ZNF804B: variants seen among roughly 807,000 people sequenced by gnomAD.
The protein encoded by ZNF804B is zinc finger protein 804B.
ZNF804B carries 80 observed loss-of-function variants against 101.4 expected under a neutral mutation model. That is an observed-to-expected ratio of 0.79 (90% CI 0.66 to 0.95). The LOEUF (loss-of-function observed/expected upper bound fraction) is 0.95, where lower values mean the gene tolerates loss of function less well. ZNF804B is among the 40% of genes least tolerant of loss of function. The pLI, the probability that ZNF804B is intolerant of heterozygous loss-of-function variation, is 0.00. For synonymous variants in ZNF804B, 622 were observed against 558.8 expected (o/e 1.11, Z -1.59); for missense variants, 1,673 against 1,561.9 (o/e 1.07, Z -1.20).
intron 1 of ZNF804B, among the ~76,000 whole-genome samples, chr7:88,860,444 C>T (rs1414232607): frequency 6.6e-6 from 1 of 151,944 alleles, no homozygotes; most frequent in Admixed American, 6.6e-5. Flanking sequence ...TTTATGTATG[C>T]CCTGGTGGGT....
chr7:88,762,928 A>G (rs772230020), intron 1 of ZNF804B, among the ~76,000 whole-genome samples: 11 of 152,104 alleles, frequency 7.2e-5, no homozygotes, highest in Non-Finnish European at 1.5e-4. Flanking sequence ...GTTTTATTAG[A>G]ACTGTTTGCA....
At chr7:89,198,260 G>A (rs763367479) in intron 1 of ZNF804B, among the ~76,000 whole-genome samples, 6 of 151,710 alleles carry the variant, frequency 4.0e-5, no homozygotes, top group Non-Finnish European at 7.4e-5. Flanking sequence ...TATTAAACAG[G>A]CAAAATAATT....
chr7:88,912,727 G>A (rs1478807885), intron 1 of ZNF804B, among the ~76,000 whole-genome samples: 1 of 151,936 alleles, frequency 6.6e-6, no homozygotes, highest in Non-Finnish European at 1.5e-5. Context: ...TTCTCAATAC[G>A]TTTGTAAGTA....
At position 89,336,011 on chromosome 7, in the gene ZNF804B, AC is replaced by A. The variant is rs760414269; in HGVS notation, c.3030del (p.His1010GlnfsTer8). On this transcript the variant is annotated frameshift_variant, in exon 4 of 4. Transcript: ENST00000333190. LOFTEE classifies it high-confidence loss of function. ...GAGAAAGACAAAAGCAAAAGTTCAC[AC>A]ACAAATAATTTTACAATTTTAGCAG... is the stretch of plus-strand genomic sequence containing the variant. ...TTEKDKSKSS[H>X]TNNFTILADT... The A allele has an allele frequency of 6.2e-7, 1 of 1,614,024 alleles. No homozygotes were observed. Among genetic ancestry groups the A allele is most frequent in the African/African-American group, 1.3e-5 (1 of 75,042 alleles).
At chr7:89,140,360 G>A (rs1329021155) in intron 1 of ZNF804B, among the ~76,000 whole-genome samples, 1 of 151,972 alleles carries the variant, frequency 6.6e-6, no homozygotes, top group East Asian at 1.9e-4. Context: ...TAACAAGAGA[G>A]GCGGCCTGTC....
chr7:89,312,485 C>A (rs895503752), intron 2 of ZNF804B, among the ~76,000 whole-genome samples: 1 of 152,182 alleles, frequency 6.6e-6, no homozygotes, highest in Non-Finnish European at 1.5e-5. Flanking sequence ...AGAGTAATTT[C>A]TTCTCACTCA....
intron 1 of ZNF804B, among the ~76,000 whole-genome samples, chr7:89,107,847 G>T (rs1233298788): frequency 6.6e-6 from 1 of 152,234 alleles, no homozygotes; most frequent in South Asian, 2.1e-4. Context: ...GGCATGGGGG[G>T]TATTCTCTGA....
chr7:89,255,361 C>G (rs1789611766), intron 2 of ZNF804B, among the ~76,000 whole-genome samples: 1 of 152,116 alleles, frequency 6.6e-6, no homozygotes, highest in African/African-American at 2.4e-5. Flanking sequence ...TGGGCACACA[C>G]AGCAAAACCA....
chr7:88,899,320 C>T (rs530646694), intron 1 of ZNF804B, among the ~76,000 whole-genome samples: 1 of 152,166 alleles, frequency 6.6e-6, no homozygotes, highest in African/African-American at 2.4e-5. Flanking sequence ...ACGGTGGTTA[C>T]CTAGTCACCT....
chr7:89,299,115 A>G (rs918457443), intron 2 of ZNF804B, among the ~76,000 whole-genome samples: 4 of 152,014 alleles, frequency 2.6e-5, no homozygotes, highest in Non-Finnish European at 2.9e-5. Flanking sequence ...TCCAAAGCTT[A>G]AGAACTACCA....
intron 1 of ZNF804B, among the ~76,000 whole-genome samples, chr7:88,954,905 A>G (rs560615794): frequency 2.6e-4 from 39 of 151,780 alleles, no homozygotes; most frequent in African/African-American, 8.9e-4. Context: ...CGTGAGTCTG[A>G]CAGGAATTAT....
chr7:88,849,542 T>C (rs1791420724), intron 1 of ZNF804B, among the ~76,000 whole-genome samples: 1 of 151,510 alleles, frequency 6.6e-6, no homozygotes, highest in Admixed American at 6.6e-5. Flanking sequence ...CTCTGTTGCC[T>C]AGACTGGAGT....
chr7:89,289,344 C>CA lies in ZNF804B; in HGVS notation c.250-37991dup, dbSNP rs902658970. The stretch of plus-strand genomic sequence containing the variant: ...ACACCAAATTCAACAACTGTCTACG[C>CA]AAAAAAAAACCAACAAACAACAACA... On this transcript the variant is annotated intron_variant, in intron 2 of 3. Coordinates refer to ENST00000333190, the MANE Select transcript of ZNF804B (RefSeq NM_181646.5). 6.2e-4 allele frequency among the ~76,000 whole-genome samples: 92 copies of CA among 147,464 alleles called. 1 individual carries two copies. Among genetic ancestry groups the CA allele is most frequent in the African/African-American group, 1.9e-3 (75 of 40,046 alleles).
intron 2 of ZNF804B, among the ~76,000 whole-genome samples, chr7:89,324,875 T>G (rs1790875791): frequency 6.6e-6 from 1 of 151,936 alleles, no homozygotes. Context: ...GGTACTATGA[T>G]TCAGCTAGTT....
chr7:89,107,016 A>G (rs1291263233), intron 1 of ZNF804B, among the ~76,000 whole-genome samples: 2 of 152,164 alleles, frequency 1.3e-5, no homozygotes, highest in Non-Finnish European at 2.9e-5. Flanking sequence ...AAGAACATCT[A>G]TGGAGATGTT....
At chr7:89,088,351 T>C (rs908564960) in intron 1 of ZNF804B, among the ~76,000 whole-genome samples, 1 of 151,918 alleles carries the variant, frequency 6.6e-6, no homozygotes, top group African/African-American at 2.4e-5. Context: ...ATATAGGAGC[T>C]GAGAATGAGA....
At chr7:89,070,769 A>T (rs2116296769) in intron 1 of ZNF804B, among the ~76,000 whole-genome samples, 1 of 152,210 alleles carries the variant, frequency 6.6e-6, no homozygotes, top group Non-Finnish European at 1.5e-5. Flanking sequence ...TTGATTTTAT[A>T]AGGACCATTG....
At chr7:88,844,441 C>CT (rs1791339338) in intron 1 of ZNF804B, among the ~76,000 whole-genome samples, 1 of 152,168 alleles carries the variant, frequency 6.6e-6, no homozygotes, top group African/African-American at 2.4e-5. Flanking sequence ...ACCTATTTGT[C>CT]TAATTCCTTC....
At chr7:89,080,935 G>A (rs1230451572) in intron 1 of ZNF804B, among the ~76,000 whole-genome samples, 1 of 151,890 alleles carries the variant, frequency 6.6e-6, no homozygotes, top group Non-Finnish European at 1.5e-5. Flanking sequence ...ACAACTAAAT[G>A]AATAGATAAT....
Sources: allele counts gnomAD v4.1 joint callset (sites outside exome capture counted in the v4.1 genomes callset), GRCh38; gene constraint gnomAD v4.1.1; transcripts MANE v1.5; gene names NCBI Gene and HGNC (gene_info 2026-07-23, HGNC 2026-07-21).